ZNF561: variants seen among roughly 807,000 people sequenced by gnomAD.
ZNF561 encodes the protein zinc finger protein 561.
Under a neutral mutation model 16.7 loss-of-function variants are expected in ZNF561, and 16 were observed. The observed-to-expected ratio is 0.96, with a 90% CI of 0.65 to 1.45. ZNF561 has a LOEUF of 1.45. Ranked by LOEUF, ZNF561 falls within the 40% of genes most tolerant of loss-of-function variation. ZNF561 has a pLI of 0.00. For synonymous variants in ZNF561, 190 were observed against 192.1 expected (o/e 0.99, Z 0.09); for missense variants, 580 against 578.0 (o/e 1.00, Z -0.04).
At position 9,610,661 on chromosome 19, in the gene ZNF561, T is replaced by C. The variant is rs1209250093; in HGVS notation, c.1000A>G (p.Ile334Val). Residue 334 changes from isoleucine to valine, a missense_variant, in exon 6 of 6, where the codon ATA becomes GTA. Ile to Val is a conservative substitution (Grantham distance 29, BLOSUM62 3). Transcript: ENST00000302851. ...CATTCCTTACATTCATAGGGTTTTATTCCAGTGTGAGTTCTTACATGTTCA... is the reference window on the plus strand; with the variant it reads ...CATTCCTTACATTCATAGGGTTTTACTCCAGTGTGAGTTCTTACATGTTCA... Reference protein sequence around the residue: ...LTEHVRTHTGIKPYECKECGQ... With the variant: ...LTEHVRTHTGVKPYECKECGQ... 6.2e-7 allele frequency: 1 copy of C among 1,614,082 alleles called. No homozygotes were observed. The highest frequency in any genetic ancestry group is 8.5e-7 in the Non-Finnish European group (1 of 1,180,048).
chr19:9,615,812 T>C (rs968342810), intron 4 of ZNF561, among the ~76,000 whole-genome samples: 1 of 151,276 alleles, frequency 6.6e-6, no homozygotes, highest in Non-Finnish European at 1.5e-5. Flanking sequence ...TACCAGCAAC[T>C]TGGGAAGCTG....
chr19:9,618,292 C>T (rs553046291), intron 2 of ZNF561, 113 bp from the exon 3 acceptor site: 6 of 1,026,216 alleles, frequency 5.8e-6, no homozygotes, highest in East Asian at 5.5e-5. Flanking sequence ...CCTACACACT[C>T]GAGAAAACTA....
At chr19:9,617,889 T>C (rs2074586476) in intron 3 of ZNF561, 3 of 606,952 alleles carry the variant, frequency 4.9e-6, no homozygotes, top group Non-Finnish European at 6.2e-6. Flanking sequence ...TAGTAATTAC[T>C]GAGCTACTGG....
chr19:9,614,166 C>A, intron 4 of ZNF561, 63 bp from the exon 5 acceptor site: 2 of 1,569,922 alleles, frequency 1.3e-6, no homozygotes, highest in South Asian at 2.3e-5. Flanking sequence ...TAAAATGAGT[C>A]ATTTTTACTT....
Position 9,614,841 on chromosome 19 carries a change from T to G in ZNF561, c.242-738A>C, listed in dbSNP as rs1005042058. ...GAGGCAAAGTGCATCTTTAAAAATC[T>G]TTTTTTTTTTTTTTTGAGATGAAGT... On this transcript the variant is annotated intron_variant, in intron 4 of 5. Coordinates refer to ENST00000302851, the MANE Select transcript of ZNF561 (RefSeq NM_152289.3). Among the ~76,000 whole-genome samples, 11 of 134,524 alleles carry G rather than the reference T, an allele frequency of 8.2e-5. No homozygotes were observed. The South Asian group carries it at 2.6e-3, about 32-fold the overall frequency. 88.3% of individuals were successfully genotyped at this position (134,524 alleles called of 152,430 possible).
intron 4 of ZNF561, among the ~76,000 whole-genome samples, chr19:9,615,360 G>A (rs914919898): frequency 3.9e-5 from 6 of 151,904 alleles, no homozygotes; most frequent in African/African-American, 1.4e-4. Flanking sequence ...ACTTTGGGAG[G>A]TCGAGGTGGG....
chr19:9,616,238 C>G (rs753179263), intron 4 of ZNF561, among the ~76,000 whole-genome samples: 2 of 152,088 alleles, frequency 1.3e-5, no homozygotes, highest in Admixed American at 6.6e-5. Flanking sequence ...CATACATCTG[C>G]CCTATAACAG....
chr19:9,619,757 T>C (rs2074625252), intron 1 of ZNF561, among the ~76,000 whole-genome samples, 175 bp from the exon 2 acceptor site: 1 of 152,202 alleles, frequency 6.6e-6, no homozygotes, highest in Non-Finnish European at 1.5e-5. Context: ...AGGACTGATA[T>C]GTCAGAAGTA....
Position 9,611,131 on chromosome 19 carries a change from A to G in ZNF561, c.530T>C (p.Val177Ala). The G allele has an allele frequency of 6.2e-7, 1 of 1,614,062 alleles. No individual in the cohort carries two copies. ...AGCAAGACCTGGAGTTAGAGTAAAG[A>G]CTTTTCCACATGGATTAAATTTGGA... ...ELSKFNPCGK[V>A]FTLTPGLAVH... The change falls in exon 6 of 6, where the codon GTC (valine) becomes GCC (alanine). Residue 177 changes from valine (V) to alanine (A), a missense_variant. Physicochemically the swap from Val to Ala is moderately conservative, Grantham distance 64 (BLOSUM62 0). Transcript: ENST00000302851.
Position 9,608,715 on chromosome 19 carries a change from C to G in ZNF561, c.*1485G>C, listed in dbSNP as rs554028894. On this transcript the variant is annotated 3_prime_UTR_variant, in exon 6 of 6. Transcript: ENST00000302851. The stretch of plus-strand genomic sequence containing the variant: ...ATGCTATTGGGAAATAAAGAAAATA[C>G]AACCCTTGATACGAAGTAGTGAAGA... 38 of 152,290 alleles carry G rather than the reference C, an allele frequency of 2.5e-4. No individual in the cohort carries two copies. Among genetic ancestry groups the G allele is most frequent in the African/African-American group, 9.1e-4 (38 of 41,556 alleles). The allele number at this position is 152,290 out of a possible 1,614,324, so 9.4% of individuals were successfully genotyped here.
chr19:9,618,259 C>G, intron 2 of ZNF561, 80 bp from the exon 3 acceptor site: 1 of 1,347,522 alleles, frequency 7.4e-7, no homozygotes, highest in Non-Finnish European at 1.0e-6. Context: ...TCATTCCATC[C>G]TAGCTTGAAA....
In ZNF561 at chr19:9,610,983, T is replaced by A. The variant is rs188310675; in HGVS notation, c.678A>T (p.Glu226Asp). The A allele has an allele frequency of 1.9e-6, 3 of 1,614,176 alleles. No homozygotes were observed. In the East Asian group the frequency reaches 6.7e-5, roughly 36 times the overall value. ...TGACAGCTCTCCCATATTCCTGAAA[T>A]TCACAGAGTTTCTCATCAGTGTGGA... ...MGIHTDEKLC[E>D]FQEYGRAVTA... The change falls in exon 6 of 6, where the codon GAA becomes GAT. Residue 226 changes from glutamate to aspartate, a missense_variant. Glu to Asp is a conservative substitution (Grantham distance 45, BLOSUM62 2). Transcript: ENST00000302851.
Position 9,611,197 on chromosome 19 carries a change from G to C in ZNF561, c.464C>G (p.Thr155Ser), listed in dbSNP as rs746985772. Residue 155 changes from threonine to serine, a missense_variant, in exon 6 of 6, where the codon ACC (threonine) becomes AGC (serine). Physicochemically the swap from Thr to Ser is moderately conservative, Grantham distance 58. Transcript: ENST00000302851. ...TSEGNCYGKD[T>S]LSVHKEASTG... ...AGAGGCTTCCTTGTGCACACTGAGG[G>C]TGTCTTTTCCATAACAATTACCCTC... is the stretch of plus-strand genomic sequence containing the variant. 9.9e-6 allele frequency: 16 copies of C among 1,613,918 alleles called. No individual in the cohort carries two copies. Among genetic ancestry groups the C allele is most frequent in the African/African-American group, 1.3e-5 (1 of 75,036 alleles).
rs1361310915 is a variant in ZNF561 at position 9,611,451 on chromosome 19, T to C, written c.325-115A>G. ...TATGATTTTACTTTTTAATATTTAA[T>C]TTTTTTTTCTTTTTGAGAGAAAGTC... On this transcript the variant is annotated intron_variant, in intron 5 of 5. Transcript: ENST00000302851. The C allele has an allele frequency of 3.6e-6, 4 of 1,099,526 alleles. No homozygotes were observed. The South Asian group carries it at 6.9e-5, about 19-fold the overall frequency. 68.1% of individuals were successfully genotyped at this position (1,099,526 alleles called of 1,614,324 possible).
intron 5 of ZNF561, among the ~76,000 whole-genome samples, chr19:9,612,781 T>C (rs1238374629): frequency 6.6e-6 from 1 of 152,168 alleles, no homozygotes; most frequent in East Asian, 1.9e-4. Flanking sequence ...AAAAGAAAAC[T>C]GTAGGGTTTT....
Position 9,610,992 on chromosome 19 carries a change from T to A in ZNF561, c.669A>T (p.Lys223Asn). The part of the protein sequence containing the change: ...DNHMGIHTDE[K>N]LCEFQEYGRA... ...TCCCATATTCCTGAAATTCACAGAG[T>A]TTCTCATCAGTGTGGATTCCCATAT... The change falls in exon 6 of 6, where the codon AAA (lysine) becomes AAT (asparagine). Residue 223 changes from lysine (K) to asparagine (N), a missense_variant. Physicochemically the swap from Lys to Asn is moderately conservative, Grantham distance 94. Coordinates refer to ENST00000302851, the MANE Select transcript of ZNF561 (RefSeq NM_152289.3). 6.2e-7 allele frequency: 1 copy of A among 1,614,104 alleles called. No individual in the cohort carries two copies. Among genetic ancestry groups the A allele is most frequent in the Non-Finnish European group, 8.5e-7 (1 of 1,180,020 alleles).
At chr19:9,616,101 G>A (rs2074548522) in intron 4 of ZNF561, among the ~76,000 whole-genome samples, 1 of 152,140 alleles carries the variant, frequency 6.6e-6, no homozygotes, top group Non-Finnish European at 1.5e-5. Context: ...ACAGCACAAA[G>A]CTGATGCTGT....
At position 9,610,897 on chromosome 19, in the gene ZNF561, G is replaced by A. The variant is rs1220657932; in HGVS notation, c.764C>T (p.Thr255Ile). The part of the protein sequence containing the change: ...AVHTGKKSKK[T>I]KKCGKSFTNF... The stretch of plus-strand genomic sequence containing the variant: ...AGTGAAGGATTTCCCACATTTCTTA[G>A]TCTTTTTGGATTTCTTTCCTGTATG... The change falls in exon 6 of 6, where the codon ACT (threonine) becomes ATT (isoleucine). Residue 255 changes from threonine to isoleucine, a missense_variant. Physicochemically the swap from Thr to Ile is moderately conservative, Grantham distance 89. Transcript: ENST00000302851. 5 of 1,614,112 alleles carry A rather than the reference G, an allele frequency of 3.1e-6. No individual in the cohort carries two copies. Among genetic ancestry groups the A allele is most frequent in the Non-Finnish European group, 4.2e-6 (5 of 1,180,010 alleles).
Position 9,610,735 on chromosome 19 carries a change from T to C in ZNF561, c.926A>G (p.His309Arg). 6.2e-7 allele frequency: 1 copy of C among 1,614,172 alleles called. No individual in the cohort carries two copies. Among genetic ancestry groups the C allele is most frequent in the South Asian group, 1.1e-5 (1 of 91,074 alleles). Residue 309 changes from histidine (H) to arginine (R), a missense_variant, in exon 6 of 6, where the codon CAC (histidine) becomes CGC (arginine). By Grantham distance (29) the His-to-Arg change is conservative (BLOSUM62 0). Transcript: ENST00000302851. ...HIQIHTGIKP[H>R]KCTYCGKAFT... ...GGCTTTCCCACAGTAAGTACACTTG[T>C]GTGGTTTTATTCCAGTGTGAATTTG...
Sources: gnomAD v4.1 joint callset for allele counts (sites outside exome capture counted in the v4.1 genomes callset) on GRCh38, gnomAD v4.1.1 for gene constraint, MANE v1.5 for transcripts, NCBI Gene and HGNC (gene_info 2026-07-23, HGNC 2026-07-21) for gene names.